Variants in PRKG1 observed in about 807,000 individuals in gnomAD.
PRKG1 encodes protein kinase cGMP-dependent 1, also known as cGMP-dependent protein kinase 1.
In PRKG1, 35 loss-of-function variants were observed where a neutral mutation model predicts 88.1. The ratio of observed to expected loss-of-function variants is 0.40; its 90% confidence interval spans 0.30 to 0.53. The LOEUF (loss-of-function observed/expected upper bound fraction) is 0.53. Ranked by LOEUF, PRKG1 falls within the 20% of genes least tolerant of loss-of-function variation. The probability of loss-of-function intolerance (pLI) is 0.59; values close to 1 mark genes in which losing one functional copy is unlikely to be tolerated. For missense variants in PRKG1, 540 were observed against 839.8 expected (o/e 0.64, Z 4.41); for synonymous variants, 303 against 292.5 (o/e 1.04, Z -0.37).
At chr10:51,891,858 G>A (rs1841730420) in intron 4 of PRKG1, among the ~76,000 whole-genome samples, 1 of 152,188 alleles carries the variant, frequency 6.6e-6, no homozygotes, top group African/African-American at 2.4e-5. Context: ...TAGGGATGAA[G>A]CAAGACAGTT....
chr10:51,927,046 G>A (rs1054713354), intron 5 of PRKG1, among the ~76,000 whole-genome samples: 1 of 151,774 alleles, frequency 6.6e-6, no homozygotes, highest in Non-Finnish European at 1.5e-5. Flanking sequence ...AGTCACCTGG[G>A]GAAGTTGCTT....
chr10:51,275,723 T>G (rs1840097949), intron 2 of PRKG1, among the ~76,000 whole-genome samples: 1 of 152,074 alleles, frequency 6.6e-6, no homozygotes, highest in African/African-American at 2.4e-5. Flanking sequence ...AGAAGTAAAC[T>G]TTCAAAAACA....
chr10:51,970,815 G>GTATA lies in PRKG1; in HGVS notation c.762+63255_762+63258dup, dbSNP rs573621951. Among the ~76,000 whole-genome samples the GTATA allele has an allele frequency of 3.9e-3, 550 of 139,816 alleles. 9 individuals carry two copies. The highest frequency in any genetic ancestry group is 0.014 in the African/African-American group (529 of 37,338). The allele number at this position is 139,816 out of a possible 152,430, so 91.7% of individuals were successfully genotyped here. ...ATTATATATATATATCAGATGATGT[G>GTATA]TATATATATATATGTGATATATATA... On this transcript the variant is annotated intron_variant, in intron 5 of 17. Transcript: ENST00000373980.
chr10:51,687,587 C>T (rs1465268970), intron 3 of PRKG1, among the ~76,000 whole-genome samples: 1 of 152,116 alleles, frequency 6.6e-6, no homozygotes, highest in Non-Finnish European at 1.5e-5. Flanking sequence ...GTTAGCATTC[C>T]TATCTGGATA....
intron 2 of PRKG1, among the ~76,000 whole-genome samples, chr10:51,215,101 C>T (rs779000205): frequency 2.6e-5 from 4 of 152,104 alleles, no homozygotes; most frequent in African/African-American, 4.8e-5. Context: ...GAAAACAATG[C>T]GAATCATCTA....
chr10:52,171,572 T>A (rs970364620), intron 9 of PRKG1, among the ~76,000 whole-genome samples: 1 of 152,162 alleles, frequency 6.6e-6, no homozygotes, highest in African/African-American at 2.4e-5. Flanking sequence ...TAAATTCTAG[T>A]ACATGTAATC....
At chr10:51,255,836 G>A (rs1340230145) in intron 2 of PRKG1, among the ~76,000 whole-genome samples, 1 of 152,060 alleles carries the variant, frequency 6.6e-6, no homozygotes, top group Non-Finnish European at 1.5e-5. Flanking sequence ...GATGGTGAAC[G>A]TCAACTTACT....
intron 1 of PRKG1, among the ~76,000 whole-genome samples, chr10:51,124,356 A>G (rs1414627871): frequency 6.6e-6 from 1 of 152,070 alleles, no homozygotes; most frequent in East Asian, 1.9e-4. Context: ...CTTGACCCTG[A>G]AATACTATGT....
chr10:51,257,986 C>T (rs539247890), intron 2 of PRKG1, among the ~76,000 whole-genome samples: 19 of 152,244 alleles, frequency 1.2e-4, no homozygotes, highest in East Asian at 5.8e-4. Flanking sequence ...GGAAGGCTAA[C>T]GAGCTAAAGC....
At chr10:52,182,382 G>T (rs1839059250) in intron 9 of PRKG1, among the ~76,000 whole-genome samples, 1 of 86,480 alleles carries the variant, frequency 1.2e-5, no homozygotes, top group Admixed American at 1.1e-4. Flanking sequence ...CATTTTGTAG[G>T]TTGCCTGTTC....
chr10:51,468,015 G>T, intron 3 of PRKG1, 179 bp downstream of exon 3: 1 of 546,788 alleles, frequency 1.8e-6, no homozygotes. Context: ...TTAACAATCA[G>T]TTTTGTATAA....
chr10:51,844,435 T>G (rs1840351864), intron 4 of PRKG1, among the ~76,000 whole-genome samples: 1 of 152,202 alleles, frequency 6.6e-6, no homozygotes, highest in Non-Finnish European at 1.5e-5. Context: ...TTTGACCTAA[T>G]GATAAAATTT....
At chr10:51,866,751 G>T (rs1841023997) in intron 4 of PRKG1, among the ~76,000 whole-genome samples, 1 of 152,242 alleles carries the variant, frequency 6.6e-6, no homozygotes, top group South Asian at 2.1e-4. Context: ...CAAAGAACTT[G>T]GTGTCAGTTC....
chr10:51,580,151 C>A (rs2132184541), intron 3 of PRKG1, among the ~76,000 whole-genome samples: 1 of 152,142 alleles, frequency 6.6e-6, no homozygotes, highest in African/African-American at 2.4e-5. Flanking sequence ...ATCTTTGTAT[C>A]CTTCAGCAAC....
intron 6 of PRKG1, among the ~76,000 whole-genome samples, chr10:52,056,913 A>G (rs951348973): frequency 6.6e-5 from 10 of 152,304 alleles, no homozygotes; most frequent in African/African-American, 2.2e-4. Flanking sequence ...TTAAGTCCCA[A>G]TGGCAAAGAG....
chr10:51,239,014 A>G (rs1839078520), intron 2 of PRKG1, among the ~76,000 whole-genome samples: 1 of 152,128 alleles, frequency 6.6e-6, no homozygotes, highest in Non-Finnish European at 1.5e-5. Flanking sequence ...TAAAAATCTA[A>G]TTAAAGAATT....
intron 2 of PRKG1, among the ~76,000 whole-genome samples, chr10:51,453,083 G>T (rs745328252): frequency 5.3e-5 from 8 of 151,752 alleles, no homozygotes; most frequent in Non-Finnish European, 1.2e-4. Context: ...GCACATAAAG[G>T]TGTTCATGGT....
chr10:52,153,967 A>G (rs1452870152), intron 8 of PRKG1, among the ~76,000 whole-genome samples: 1 of 151,882 alleles, frequency 6.6e-6, no homozygotes, highest in Admixed American at 6.6e-5. Context: ...CTGGTCTCGA[A>G]CTCCTGACCT....
chr10:52,026,698 C>T (rs1412662675), intron 5 of PRKG1, among the ~76,000 whole-genome samples: 2 of 152,118 alleles, frequency 1.3e-5, no homozygotes, highest in Non-Finnish European at 2.9e-5. Context: ...GAATTTCGGC[C>T]AGGCACGGTG....
Sources: allele counts gnomAD v4.1 joint callset (sites outside exome capture counted in the v4.1 genomes callset), GRCh38; gene constraint gnomAD v4.1.1; transcripts MANE v1.5; gene names NCBI Gene and HGNC (gene_info 2026-07-23, HGNC 2026-07-21).